The following PHTF2 variants were observed in gnomAD, a reference collection of about 807,000 sequenced individuals.
The protein encoded by PHTF2 is protein PHTF2.
In PHTF2, 60 loss-of-function variants were observed where a neutral mutation model predicts 101.2. The ratio of observed to expected loss-of-function variants is 0.59; its 90% confidence interval spans 0.48 to 0.73. The LOEUF (loss-of-function observed/expected upper bound fraction) is 0.73, where lower values mean the gene tolerates loss of function less well. Among genes scored for constraint, PHTF2 ranks in the 30% least tolerant of loss-of-function variants. The pLI, the probability that PHTF2 is intolerant of heterozygous loss-of-function variation, is 0.00. For synonymous variants in PHTF2, 311 were observed against 307.3 expected, an observed-to-expected ratio of 1.01 and a Z score of -0.13; for missense variants, 747 against 908.7, an observed-to-expected ratio of 0.82 and a Z score of 2.29.
At chr7:77,906,577 C>T (rs957177698) in intron 7 of PHTF2, 7 of 152,098 alleles carry the variant, frequency 4.6e-5, no homozygotes, top group Admixed American at 3.9e-4. Context: ...GAATGGTGAT[C>T]ACAGGGCTGA....
At chr7:77,942,818 C>T in intron 16 of PHTF2, 32 bp downstream of exon 15, 3 of 968,928 alleles carry the variant, frequency 3.1e-6, no homozygotes, top group Non-Finnish European at 4.7e-6. Flanking sequence ...AGAAATTAAC[C>T]AGATATATAA....
intron 1 of PHTF2, among the ~76,000 whole-genome samples, chr7:77,820,862 G>A (rs1041434883): frequency 3.3e-5 from 5 of 151,744 alleles, no homozygotes; most frequent in African/African-American, 1.2e-4. Context: ...GTTTATTTTT[G>A]TGGTTGGGTA....
chr7:77,896,833 T>C (rs1023725195), intron 5 of PHTF2, among the ~76,000 whole-genome samples: 1 of 152,210 alleles, frequency 6.6e-6, no homozygotes, highest in Non-Finnish European at 1.5e-5. Context: ...GTTTGTCCAA[T>C]GTAATTGATT....
Position 77,863,003 on chromosome 7 carries a change from A to G in PHTF2, c.147+8169A>G, listed in dbSNP as rs150671508. ...CTAATGGACCATAGAGTTTATTCAA[A>G]TAAAAGCTGTAGATTCAGCACCAAG... is the stretch of plus-strand genomic sequence containing the variant. On this transcript the variant is annotated intron_variant, in intron 3 of 19. Transcript: ENST00000416283. 2.1e-3 allele frequency among the ~76,000 whole-genome samples: 318 copies of G among 152,336 alleles called. 6 individuals carry two copies. Among genetic ancestry groups the G allele is most frequent in the Middle Eastern group, 3.4e-3 (1 of 294 alleles).
At chr7:77,932,880 A>G (rs1220120843) in intron 12 of PHTF2, among the ~76,000 whole-genome samples, 1 of 152,094 alleles carries the variant, frequency 6.6e-6, no homozygotes, top group African/African-American at 2.4e-5. Context: ...AACCTTTACA[A>G]CCTGTGGTAA....
exon 1 of PHTF2, chr7:77,798,829 G>C (rs1453629786): frequency 1.3e-5 from 2 of 150,542 alleles, no homozygotes; most frequent in Non-Finnish European, 2.9e-5. Context: ...CTGCGGGAGA[G>C]GGGGTGGGGC....
chr7:77,909,127 G>A (rs1490397892), intron 8 of PHTF2, 169 bp downstream of exon 7: 8 of 473,354 alleles, frequency 1.7e-5, no homozygotes, highest in Non-Finnish European at 7.4e-6. Context: ...TTCCATATTT[G>A]CTTCAAGGCC....
chr7:77,799,615 T>C (rs1792372246), intron 1 of PHTF2, among the ~76,000 whole-genome samples: 1 of 152,234 alleles, frequency 6.6e-6, no homozygotes, highest in Non-Finnish European at 1.5e-5. Flanking sequence ...GCTTCAGCTT[T>C]TCTTATTTTT....
intron 2 of PHTF2, among the ~76,000 whole-genome samples, chr7:77,843,493 C>T (rs977689623): frequency 6.7e-6 from 1 of 149,626 alleles, no homozygotes; most frequent in South Asian, 2.2e-4. Flanking sequence ...TTAGTATTTT[C>T]TTTTATCATT....
chr7:77,913,172 G>A (rs1472223595), intron 9 of PHTF2, among the ~76,000 whole-genome samples: 3 of 152,084 alleles, frequency 2.0e-5, no homozygotes, highest in Non-Finnish European at 4.4e-5. Context: ...TGGATCACCT[G>A]AGGTCAGGAG....
chr7:77,903,962 A>G (rs909118422), intron 7 of PHTF2, among the ~76,000 whole-genome samples: 3 of 152,176 alleles, frequency 2.0e-5, no homozygotes, highest in Admixed American at 6.5e-5. Context: ...CTTTTTAAGT[A>G]TCTCAGCTAT....
intron 3 of PHTF2, among the ~76,000 whole-genome samples, chr7:77,890,608 T>TA (rs1480060092): frequency 6.5e-4 from 92 of 140,574 alleles, no homozygotes; most frequent in African/African-American, 2.4e-3. Context: ...ACTTTTTTTT[T>TA]TTTTTTTTTT....
At chr7:77,878,694 A>G (rs1799151173) in intron 3 of PHTF2, among the ~76,000 whole-genome samples, 1 of 152,212 alleles carries the variant, frequency 6.6e-6, no homozygotes, top group Non-Finnish European at 1.5e-5. Context: ...GTTAGAAGCA[A>G]GATGGAGTCA....
intron 1 of PHTF2, among the ~76,000 whole-genome samples, chr7:77,818,142 T>G (rs544688395): frequency 6.6e-6 from 1 of 152,166 alleles, no homozygotes; most frequent in Non-Finnish European, 1.5e-5. Flanking sequence ...TTTGAGTTCC[T>G]TGTATATTCT....
chr7:77,881,586 G>T (rs1422743422), intron 3 of PHTF2, among the ~76,000 whole-genome samples: 1 of 151,416 alleles, frequency 6.6e-6, no homozygotes, highest in African/African-American at 2.4e-5. Flanking sequence ...GCCCACGTTG[G>T]TCTTGAACTC....
chr7:77,895,712 T>C (rs1800816835), intron 5 of PHTF2, among the ~76,000 whole-genome samples: 1 of 152,188 alleles, frequency 6.6e-6, no homozygotes, highest in Non-Finnish European at 1.5e-5. Flanking sequence ...AAATCCTAAA[T>C]GTATGTTAGG....
intron 11 of PHTF2, chr7:77,924,167 A>G (rs1803742099): frequency 3.2e-6 from 3 of 942,312 alleles, no homozygotes; most frequent in Admixed American, 6.2e-5. Context: ...CTTTGAATAA[A>G]TAAAATGGAA....
At chr7:77,940,493 A>T (rs1481931360) in intron 14 of PHTF2, 35 bp from the exon 14 acceptor site, 2 of 1,539,948 alleles carry the variant, frequency 1.3e-6, no homozygotes, top group Non-Finnish European at 1.8e-6. Flanking sequence ...GTGGTAATCT[A>T]CTTGAAAATT....
intron 1 of PHTF2, among the ~76,000 whole-genome samples, chr7:77,809,161 G>C (rs1286819805): frequency 1.3e-5 from 2 of 151,618 alleles, no homozygotes; most frequent in East Asian, 3.9e-4. Context: ...AGAAATGTAG[G>C]CATGTATGAT....
Sources: allele counts gnomAD v4.1 joint callset (sites outside exome capture counted in the v4.1 genomes callset), GRCh38; gene constraint gnomAD v4.1.1; transcripts MANE v1.5; gene names NCBI Gene and HGNC (gene_info 2026-07-23, HGNC 2026-07-21).